STAG1: variants seen among roughly 807,000 people sequenced by gnomAD.
The protein encoded by STAG1 is STAG1 cohesin complex component, also known as cohesin subunit SA-1.
A neutral mutation model predicts 170.9 loss-of-function variants in STAG1; 26 were observed. That is an observed-to-expected ratio of 0.15 (90% CI 0.11 to 0.21). The LOEUF (loss-of-function observed/expected upper bound fraction) is 0.21. Ranked by LOEUF, STAG1 falls within the 10% of genes least tolerant of loss-of-function variation. STAG1 has a pLI of 1.00. For missense variants in STAG1, 964 were observed against 1,509.5 expected (o/e 0.64, Z 5.99); for synonymous variants, 514 against 497.7 (o/e 1.03, Z -0.44).
At chr3:136,420,615 T>C (rs1412313090) in intron 20 of STAG1, among the ~76,000 whole-genome samples, 1 of 152,236 alleles carries the variant, frequency 6.6e-6, no homozygotes, top group African/African-American at 2.4e-5. Flanking sequence ...CAGATCTCAC[T>C]ATACTGCCCA....
chr3:136,566,900 T>C (rs1024648029), intron 5 of STAG1, among the ~76,000 whole-genome samples: 1 of 152,228 alleles, frequency 6.6e-6, no homozygotes. Context: ...AGGAATGCAA[T>C]GAGCCTGTGT....
chr3:136,356,537 C>T (rs1416992535), intron 28 of STAG1, among the ~76,000 whole-genome samples: 1 of 151,902 alleles, frequency 6.6e-6, no homozygotes, highest in African/African-American at 2.4e-5. Flanking sequence ...CACACCACCA[C>T]ACCTGGCTAA....
At chr3:136,368,841 C>CT (rs1560063364) in intron 24 of STAG1, among the ~76,000 whole-genome samples, 2 of 151,910 alleles carry the variant, frequency 1.3e-5, no homozygotes, top group South Asian at 2.1e-4. Context: ...TTACTATTAA[C>CT]TTTTTTTTAA....
At chr3:136,515,335 A>T (rs1934312031) in intron 7 of STAG1, among the ~76,000 whole-genome samples, 1 of 152,228 alleles carries the variant, frequency 6.6e-6, no homozygotes, top group Non-Finnish European at 1.5e-5. Flanking sequence ...ACAGCACTCC[A>T]GCCTGGGTAA....
At chr3:136,364,716 G>A (rs1294471627) in intron 25 of STAG1, among the ~76,000 whole-genome samples, 4 of 152,138 alleles carry the variant, frequency 2.6e-5, no homozygotes, top group Non-Finnish European at 5.9e-5. Context: ...AATTTTTTCT[G>A]TGAGTAAATA....
At chr3:136,503,866 G>T (rs1040581522) in intron 7 of STAG1, among the ~76,000 whole-genome samples, 6 of 152,016 alleles carry the variant, frequency 3.9e-5, no homozygotes, top group Admixed American at 3.9e-4. Flanking sequence ...CTCCGGAGTA[G>T]CTGGGATTAC....
At chr3:136,587,419 A>G (rs1429369946) in intron 4 of STAG1, among the ~76,000 whole-genome samples, 1 of 151,826 alleles carries the variant, frequency 6.6e-6, no homozygotes, top group Admixed American at 6.6e-5. Context: ...AGGCATCTGT[A>G]ATCCCAGCTA....
Position 136,336,350 on chromosome 3 carries a change from C to T in STAG1, c.*1904G>A, listed in dbSNP as rs1273106988. 1 of 152,210 alleles carries T rather than the reference C, an allele frequency of 6.6e-6. No individual in the cohort carries two copies. Among genetic ancestry groups the T allele is most frequent in the African/African-American group, 2.4e-5 (1 of 41,458 alleles). 9.4% of individuals were successfully genotyped at this position (152,210 alleles called of 1,614,324 possible). On this transcript the variant is annotated 3_prime_UTR_variant, in exon 34 of 34. Coordinates refer to ENST00000383202, the MANE Select transcript of STAG1 (RefSeq NM_005862.3). ...TTACAGAATTACTAGCAAAACCAAT[C>T]AAGGAGACACCGAAAATACAAAAAT... is the stretch of plus-strand genomic sequence containing the variant.
intron 4 of STAG1, among the ~76,000 whole-genome samples, chr3:136,601,394 A>G (rs531285601): frequency 4.9e-4 from 74 of 152,356 alleles, no homozygotes; most frequent in Non-Finnish European, 3.1e-4. Context: ...AGTAAAAATA[A>G]CATGAAGCAG....
At chr3:136,745,677 C>T (rs1291050509) in intron 1 of STAG1, among the ~76,000 whole-genome samples, 1 of 152,152 alleles carries the variant, frequency 6.6e-6, no homozygotes, top group Admixed American at 6.5e-5. Flanking sequence ...CAGTTTCTAC[C>T]AGGCCAAAGA....
intron 19 of STAG1, among the ~76,000 whole-genome samples, chr3:136,421,950 C>T (rs1219772171): frequency 6.6e-6 from 1 of 151,782 alleles, no homozygotes; most frequent in Non-Finnish European, 1.5e-5. Flanking sequence ...CAGGAGTTCA[C>T]CAGCCTGGTC....
intron 22 of STAG1, among the ~76,000 whole-genome samples, chr3:136,395,030 T>C (rs1302462517): frequency 6.6e-6 from 1 of 151,440 alleles, no homozygotes; most frequent in Non-Finnish European, 1.5e-5. Flanking sequence ...GAGGATCACC[T>C]GAGCCCAGGA....
intron 14 of STAG1, among the ~76,000 whole-genome samples, chr3:136,448,451 G>A (rs1178832238): frequency 6.6e-6 from 1 of 152,168 alleles, no homozygotes; most frequent in African/African-American, 2.4e-5. Flanking sequence ...GAGAGCTTGT[G>A]CAGGGGAAAT....
chr3:136,591,171 T>C (rs1399283748), intron 4 of STAG1, among the ~76,000 whole-genome samples: 3 of 139,106 alleles, frequency 2.2e-5, no homozygotes, highest in Non-Finnish European at 4.5e-5. Context: ...CTTTAATGAG[T>C]GACCTGCAGA....
At chr3:136,473,758 T>C (rs1051499768) in intron 10 of STAG1, 121 bp from the exon 11 acceptor site, 7 of 697,076 alleles carry the variant, frequency 1.0e-5, no homozygotes, top group African/African-American at 9.1e-5. Context: ...TAATTCAACA[T>C]AGGATGAGAC....
chr3:136,473,503 G>T (rs1177798855), intron 11 of STAG1, 36 bp downstream of exon 11: 2 of 1,486,218 alleles, frequency 1.3e-6, no homozygotes, highest in East Asian at 4.6e-5. Flanking sequence ...TTTGTAAAGA[G>T]AAAAATTAAA....
At chr3:136,664,510 A>G (rs1195939995) in intron 1 of STAG1, among the ~76,000 whole-genome samples, 1 of 152,144 alleles carries the variant, frequency 6.6e-6, no homozygotes, top group Non-Finnish European at 1.5e-5. Flanking sequence ...TCAACCATAT[A>G]CCTTAGAGCA....
chr3:136,465,900 T>A (rs1407532457), intron 12 of STAG1, among the ~76,000 whole-genome samples: 7 of 152,142 alleles, frequency 4.6e-5, no homozygotes, highest in African/African-American at 1.7e-4. Flanking sequence ...GAAATCCAGC[T>A]GAGCATGGCA....
At chr3:136,418,001 A>T (rs774039090) in intron 20 of STAG1, 29 bp from the exon 21 acceptor site, 3 of 1,520,444 alleles carry the variant, frequency 2.0e-6, no homozygotes, top group East Asian at 4.5e-5. Flanking sequence ...CATCTGTTTT[A>T]TTCTAGAATG....
Sources: allele counts gnomAD v4.1 joint callset (sites outside exome capture counted in the v4.1 genomes callset), GRCh38; gene constraint gnomAD v4.1.1; transcripts MANE v1.5; gene names NCBI Gene and HGNC (gene_info 2026-07-23, HGNC 2026-07-21).